The following NEDD1 variants were observed in gnomAD, a reference collection of about 807,000 sequenced individuals.
NEDD1 encodes NEDD1 gamma-tubulin ring complex targeting factor, also known as protein NEDD1.
NEDD1 carries 33 observed loss-of-function variants against 74.0 expected under a neutral mutation model. The observed-to-expected ratio is 0.45, with a 90% confidence interval of 0.34 to 0.60. NEDD1 has a LOEUF of 0.60. NEDD1 is among the 20% of genes least tolerant of loss of function. The probability of loss-of-function intolerance (pLI) is 0.01; values close to 1 mark genes in which losing one functional copy is unlikely to be tolerated. For missense variants in NEDD1, 746 were observed against 776.5 expected (o/e 0.96, Z 0.47); for synonymous variants, 250 against 264.4 (o/e 0.95, Z 0.53).
At chr12:96,928,350 T>G (rs1875941340) in intron 6 of NEDD1, among the ~76,000 whole-genome samples, 1 of 152,172 alleles carries the variant, frequency 6.6e-6, no homozygotes, top group African/African-American at 2.4e-5. Flanking sequence ...ATTTTCCAAA[T>G]TTTTATAATA....
At chr12:96,931,408 G>GAGAGCAGTTGCAATGTA (rs1876453201) in intron 6 of NEDD1, among the ~76,000 whole-genome samples, 2 of 152,278 alleles carry the variant, frequency 1.3e-5, no homozygotes, top group Middle Eastern at 3.4e-3. Flanking sequence ...TACAATGTAT[G>GAGAGCAGTTGCAATGTA]AGAGCAGTTG....
At chr12:96,913,852 T>C (rs1361699649) in intron 4 of NEDD1, among the ~76,000 whole-genome samples, 1 of 152,160 alleles carries the variant, frequency 6.6e-6, no homozygotes, top group Non-Finnish European at 1.5e-5. Flanking sequence ...TCTTAAATTA[T>C]TATGAATTGT....
At chr12:96,943,339 A>G (rs147557583) in intron 11 of NEDD1, among the ~76,000 whole-genome samples, 235 of 152,312 alleles carry the variant, frequency 1.5e-3, no homozygotes, top group African/African-American at 5.5e-3. Flanking sequence ...GGAGATGGAT[A>G]TCATCATTTA....
At chr12:96,923,699 T>G (rs530909615) in intron 6 of NEDD1, among the ~76,000 whole-genome samples, 1 of 152,192 alleles carries the variant, frequency 6.6e-6, no homozygotes, top group Admixed American at 6.5e-5. Context: ...TAATTTCTTA[T>G]GTATTGCAGG....
chr12:96,944,578 A>T (rs1445849195), intron 12 of NEDD1, 61 bp from the exon 13 acceptor site: 2 of 1,036,736 alleles, frequency 1.9e-6, no homozygotes, highest in African/African-American at 3.4e-5. Flanking sequence ...GGCAAAAATT[A>T]TATGGGTAAT....
intron 10 of NEDD1, among the ~76,000 whole-genome samples, chr12:96,941,250 T>A (rs2136603733): frequency 6.6e-6 from 1 of 152,240 alleles, no homozygotes; most frequent in Admixed American, 6.6e-5. Context: ...GTATTTATTA[T>A]TATAAGTGTA....
At chr12:96,922,892 A>T (rs1875254642) in intron 6 of NEDD1, among the ~76,000 whole-genome samples, 1 of 152,140 alleles carries the variant, frequency 6.6e-6, no homozygotes, top group South Asian at 2.1e-4. Context: ...AGGCAGGCAG[A>T]TCCCTTGAGC....
chr12:96,936,733 A>C lies in NEDD1; in HGVS notation c.842A>C (p.Lys281Thr), dbSNP rs1185801398. Residue 281 changes from lysine to threonine, a missense_variant, in exon 8 of 16, where the codon AAA becomes ACA. Lys to Thr is a moderately conservative substitution (Grantham distance 78). Around this residue, in one of 3 missense-constraint regions of NEDD1, gnomAD observed 706 missense variants for 706.7 expected, o/e 1.00. Coordinates refer to ENST00000266742, the MANE Select transcript of NEDD1 (RefSeq NM_152905.4). ...TATCAATATGATTTAAGAATGTTGA[A>C]ATCACCAGTTAAGACCATCAGTGCT... ...KIYQYDLRML[K>T]SPVKTISAHK... 6.2e-7 allele frequency: 1 copy of C among 1,612,888 alleles called. No homozygotes were observed. Among genetic ancestry groups the C allele is most frequent in the Non-Finnish European group, 8.5e-7 (1 of 1,179,068 alleles).
At chr12:96,912,040 A>C (rs1873968889) in intron 3 of NEDD1, among the ~76,000 whole-genome samples, 1 of 152,108 alleles carries the variant, frequency 6.6e-6, no homozygotes, top group African/African-American at 2.4e-5. Context: ...TTTTAGTTTT[A>C]AAATAGTTAC....
At chr12:96,916,297 C>T (rs1304573084) in intron 4 of NEDD1, among the ~76,000 whole-genome samples, 4 of 148,252 alleles carry the variant, frequency 2.7e-5, no homozygotes, top group Non-Finnish European at 6.0e-5. Flanking sequence ...GGTACATGTG[C>T]ACATTGTGCA....
At position 96,919,871 on chromosome 12, in the gene NEDD1, G is replaced by A. The variant is rs1007407837; in HGVS notation, c.349-114G>A. ...AATTCTCTGTATATTTGAGGAAAAT[G>A]TTAAAGCAAATATTAGATTGATAAA... On this transcript the variant is annotated intron_variant, in intron 5 of 15. Coordinates refer to ENST00000266742, the MANE Select transcript of NEDD1 (RefSeq NM_152905.4). 1.5e-5 allele frequency: 10 copies of A among 653,122 alleles called. No homozygotes were observed. In the East Asian group the frequency reaches 2.9e-4, roughly 19 times the overall value. The allele number at this position is 653,122 out of a possible 1,614,324, so 40.5% of individuals were successfully genotyped here.
At chr12:96,935,997 A>T (rs1203848716) in intron 7 of NEDD1, among the ~76,000 whole-genome samples, 1 of 152,140 alleles carries the variant, frequency 6.6e-6, no homozygotes, top group Non-Finnish European at 1.5e-5. Context: ...GTCTTCTTTT[A>T]TGGAACAATT....
At position 96,953,044 on chromosome 12, in the gene NEDD1, G is replaced by GTA. The variant is rs1006051827; in HGVS notation, c.*994_*995dup. 6.6e-6 allele frequency: 1 copy of GTA among 151,324 alleles called. No homozygotes were observed. The highest frequency in any genetic ancestry group is 2.4e-5 in the African/African-American group (1 of 41,302). 9.4% of individuals were successfully genotyped at this position (151,324 alleles called of 1,614,324 possible). ...TATACCTCTTTGGCAATAGATAGAT[G>GTA]TATACATCTACCTACTATGATCTAC... On this transcript the variant is annotated 3_prime_UTR_variant, in exon 16 of 16. Transcript: ENST00000266742.
At chr12:96,917,991 A>G (rs1182913255) in intron 5 of NEDD1, among the ~76,000 whole-genome samples, 1 of 152,134 alleles carries the variant, frequency 6.6e-6, no homozygotes. Context: ...TTCTACTCTT[A>G]TTTGAATGAA....
chr12:96,912,710 A>G lies in NEDD1; in HGVS notation c.137-13A>G. The G allele has an allele frequency of 7.6e-7, 1 of 1,315,746 alleles. No individual in the cohort carries two copies. The highest frequency in any genetic ancestry group is 1.1e-6 in the Non-Finnish European group (1 of 911,080). 81.5% of individuals were successfully genotyped at this position (1,315,746 alleles called of 1,614,324 possible). A position where few individuals can be genotyped will look rare whatever the true frequency, so the allele number is the denominator to read the frequency against. ...TTCATGGATTGTTTGATGCTCCATA[A>G]CTCCTCATTTAGATAACTTTTTAGT... is the stretch of plus-strand genomic sequence containing the variant. On this transcript the variant is annotated splice_polypyrimidine_tract_variant and intron_variant, in intron 3 of 15. Transcript: ENST00000266742.
In NEDD1 at chr12:96,951,873, G is replaced by C. The variant is rs114854249; in HGVS notation, c.1879-76G>C. The C allele has an allele frequency of 6.3e-3, 4,803 of 768,114 alleles. 158 individuals are homozygous for C. In the African/African-American group the frequency reaches 0.068, roughly 11 times the overall value. 47.6% of individuals were successfully genotyped at this position (768,114 alleles called of 1,614,324 possible). A position where few individuals can be genotyped will look rare whatever the true frequency, so the allele number is the denominator to read the frequency against. The stretch of plus-strand genomic sequence containing the variant: ...ATTGAACATGAGAGAAATGATAGCT[G>C]AAAGTATATTAAACATAGCCTGCCA... On this transcript the variant is annotated intron_variant, in intron 15 of 15. Transcript: ENST00000266742.
At chr12:96,940,580 T>C in intron 10 of NEDD1, 43 bp downstream of exon 10, 2 of 1,453,422 alleles carry the variant, frequency 1.4e-6, no homozygotes, top group South Asian at 2.6e-5. Flanking sequence ...TGGTAGTTAA[T>C]ATTTTTATTC....
At chr12:96,934,204 T>C (rs1016173784) in intron 6 of NEDD1, among the ~76,000 whole-genome samples, 1 of 114,786 alleles carries the variant, frequency 8.7e-6, no homozygotes, top group Non-Finnish European at 1.9e-5. Context: ...CAAAATATTA[T>C]TGCTTTTTTT....
At chr12:96,914,105 C>T (rs764527033) in intron 4 of NEDD1, among the ~76,000 whole-genome samples, 2 of 152,164 alleles carry the variant, frequency 1.3e-5, no homozygotes, top group Non-Finnish European at 2.9e-5. Flanking sequence ...CTGACTTAAG[C>T]AGAATCAAGG....
Sources: gnomAD v4.1 joint callset for allele counts (sites outside exome capture counted in the v4.1 genomes callset) on GRCh38, gnomAD v4.1.1 for gene constraint, gnomAD v4.1.1 regional missense constraint, MANE v1.5 for transcripts, NCBI Gene and HGNC (gene_info 2026-07-23, HGNC 2026-07-21) for gene names.